Variants in SLC7A9 observed in about 807,000 individuals in gnomAD.
SLC7A9 encodes solute carrier family 7 member 9, also known as B(0,+)-type amino acid transporter 1.
In SLC7A9, 38 loss-of-function variants were observed where a neutral mutation model predicts 54.1. The observed-to-expected ratio is 0.70, with a 90% CI of 0.54 to 0.92. SLC7A9 has a LOEUF of 0.92. Ranked by LOEUF, SLC7A9 falls within the 40% of genes least tolerant of loss-of-function variation. The probability of loss-of-function intolerance (pLI) is 0.00; values close to 1 mark genes in which losing one functional copy is unlikely to be tolerated. For missense variants in SLC7A9, 537 were observed against 636.1 expected (o/e 0.84, Z 1.68); for synonymous variants, 264 against 258.9 (o/e 1.02, Z -0.19).
rs1056571998 is a variant in SLC7A9, at chr19:32,862,587, C to T, written c.479-1G>A. On this transcript the variant is annotated splice_acceptor_variant, in intron 4 of 12. Transcript: ENST00000023064. LOFTEE classifies it high-confidence loss of function. ...AGTGAGTTCACTGTCGAGATGAACA[C>T]TGGAAGGGTGGGGACAGTTTCTGCA... is the stretch of plus-strand genomic sequence containing the variant. The T allele has an allele frequency of 3.7e-6, 6 of 1,613,726 alleles. No homozygotes were observed. The highest frequency in any genetic ancestry group is 1.7e-5 in the Admixed American group (1 of 59,988).
chr19:32,837,492 C>CAAA (rs57648590), intron 11 of SLC7A9, among the ~76,000 whole-genome samples: 3 of 54,570 alleles, frequency 5.5e-5, no homozygotes, highest in Non-Finnish European at 1.3e-4. Flanking sequence ...GATTCCATCT[C>CAAA]AAAAAAAAAA....
rs944810285 is a variant in SLC7A9 at position 32,850,572 on chromosome 19, A to G, written c.978-6621T>C. Among the ~76,000 whole-genome samples the G allele has an allele frequency of 1.4e-4, 21 of 152,046 alleles. 1 individual carries two copies. The highest frequency in any genetic ancestry group is 5.1e-4 in the African/African-American group (21 of 41,530). On this transcript the variant is annotated intron_variant, in intron 9 of 12. Coordinates refer to ENST00000023064, the MANE Select transcript of SLC7A9 (RefSeq NM_014270.5). ...GAACATTCCATGCTCATGGGTAGGA[A>G]GAATCAATATTGTGAAAATGGCCAT...
intron 11 of SLC7A9, among the ~76,000 whole-genome samples, chr19:32,838,972 A>G (rs912986123): frequency 1.3e-5 from 2 of 152,050 alleles, no homozygotes; most frequent in Non-Finnish European, 2.9e-5. Context: ...GACATTGTGT[A>G]TAATAAGCAA....
At chr19:32,838,912 AATTAT>A (rs1968050034) in intron 11 of SLC7A9, among the ~76,000 whole-genome samples, 1 of 151,608 alleles carries the variant, frequency 6.6e-6, no homozygotes, top group East Asian at 1.9e-4. Context: ...TAAAGATATG[AATTAT>A]ATTATTAACT....
chr19:32,861,854 G>A (rs1428480578), intron 6 of SLC7A9, among the ~76,000 whole-genome samples: 2 of 152,028 alleles, frequency 1.3e-5, no homozygotes, highest in African/African-American at 2.4e-5. Context: ...CCTGAGCTTG[G>A]GCCCTGGCTG....
rs533743619 is a variant in SLC7A9 at position 32,851,263 on chromosome 19, G to A, written c.977+7177C>T. On this transcript the variant is annotated intron_variant, in intron 9 of 12. Coordinates refer to ENST00000023064, the MANE Select transcript of SLC7A9 (RefSeq NM_014270.5). The stretch of plus-strand genomic sequence containing the variant: ...ACCTACAAAATGGGAGAAAATTTTC[G>A]CAACCTACTCATCTGACAAAGGGCT... 5.8e-3 allele frequency among the ~76,000 whole-genome samples: 878 copies of A among 151,344 alleles called. 2 individuals carry two copies. The highest frequency in any genetic ancestry group is 9.4e-3 in the Non-Finnish European group (637 of 67,670).
chr19:32,852,191 AAAG>A (rs898023272), intron 9 of SLC7A9, among the ~76,000 whole-genome samples: 14 of 152,262 alleles, frequency 9.2e-5, no homozygotes, highest in South Asian at 6.2e-4. Context: ...AATTAAAAAA[AAAG>A]AAGAATTGAT....
At chr19:32,847,701 C>A (rs1968341677) in intron 9 of SLC7A9, among the ~76,000 whole-genome samples, 1 of 152,098 alleles carries the variant, frequency 6.6e-6, no homozygotes. Context: ...CAAAGATACT[C>A]CTCGAGAAGG....
chr19:32,846,625 C>A (rs528102972), intron 9 of SLC7A9, among the ~76,000 whole-genome samples: 2 of 152,226 alleles, frequency 1.3e-5, no homozygotes, highest in African/African-American at 4.8e-5. Context: ...CAGCAGTAAC[C>A]TCTGCAGACT....
chr19:32,844,655 C>A (rs568641444), intron 9 of SLC7A9, among the ~76,000 whole-genome samples: 2 of 151,788 alleles, frequency 1.3e-5, no homozygotes, highest in East Asian at 3.9e-4. Context: ...CGTGGTGAAA[C>A]CCTATGTCTA....
At chr19:32,850,505 A>C (rs1270311795) in intron 9 of SLC7A9, among the ~76,000 whole-genome samples, 1 of 151,932 alleles carries the variant, frequency 6.6e-6, no homozygotes, top group Non-Finnish European at 1.5e-5. Flanking sequence ...AGAACTACAA[A>C]CCACTGCTCA....
chr19:32,867,132 T>C (rs1053037009), intron 2 of SLC7A9, among the ~76,000 whole-genome samples: 2 of 152,158 alleles, frequency 1.3e-5, no homozygotes, highest in African/African-American at 4.8e-5. Flanking sequence ...CAGGCTATGC[T>C]GGGGGCAGTA....
At chr19:32,835,911 A>ATG (rs60204379) in intron 11 of SLC7A9, among the ~76,000 whole-genome samples, 16,242 of 142,728 alleles carry the variant, frequency 0.11, 1,041 homozygotes, top group Middle Eastern at 0.17. Context: ...GTGTGTGTGT[A>ATG]TGTGTGTGTG....
intron 9 of SLC7A9, among the ~76,000 whole-genome samples, chr19:32,854,512 G>T (rs757998328): frequency 6.6e-6 from 1 of 152,152 alleles, no homozygotes; most frequent in Non-Finnish European, 1.5e-5. Flanking sequence ...ACTCAAAATG[G>T]ATATAAGACT....
At chr19:32,841,131 T>C (rs780494738) in intron 11 of SLC7A9, among the ~76,000 whole-genome samples, 1 of 152,184 alleles carries the variant, frequency 6.6e-6, no homozygotes, top group African/African-American at 2.4e-5. Context: ...GAAAGACCAC[T>C]GGATGTATCT....
At position 32,858,858 on chromosome 19, in the gene SLC7A9, G is replaced by A. The variant is rs62124985; in HGVS notation, c.874-315C>T. Among the ~76,000 whole-genome samples the A allele has an allele frequency of 0.19, 28,221 of 151,236 alleles. 2,736 individuals are homozygous for A. The highest frequency in any genetic ancestry group is 0.21 in the Middle Eastern group (61 of 294). On this transcript the variant is annotated intron_variant, in intron 8 of 12. Transcript: ENST00000023064. ...GGCTGGAGTGCAATGTTGCTGTCTCGGCTCACTGCAACCTCTGCCTCCCAG... is the reference window on the plus strand; with the variant it reads ...GGCTGGAGTGCAATGTTGCTGTCTCAGCTCACTGCAACCTCTGCCTCCCAG...
intron 2 of SLC7A9, among the ~76,000 whole-genome samples, chr19:32,866,867 G>A (rs1411240120): frequency 6.6e-6 from 1 of 152,176 alleles, no homozygotes; most frequent in East Asian, 1.9e-4. Flanking sequence ...CCTCTGCCCT[G>A]GAAGCGGAAG....
intron 10 of SLC7A9, among the ~76,000 whole-genome samples, chr19:32,842,902 T>C (rs980730125): frequency 5.3e-5 from 8 of 152,190 alleles, no homozygotes; most frequent in Non-Finnish European, 7.3e-5. Context: ...TTAAGAATTT[T>C]CCACACAGAG....
intron 10 of SLC7A9, among the ~76,000 whole-genome samples, chr19:32,843,426 C>T (rs1968184950): frequency 6.6e-6 from 1 of 152,008 alleles, no homozygotes; most frequent in South Asian, 2.1e-4. Flanking sequence ...CACTGCACTC[C>T]ATCCAGCCTG....
Sources: gnomAD v4.1 joint callset for allele counts (sites outside exome capture counted in the v4.1 genomes callset) on GRCh38, gnomAD v4.1.1 for gene constraint, MANE v1.5 for transcripts, NCBI Gene and HGNC (gene_info 2026-07-23, HGNC 2026-07-21) for gene names.